Variants in EML6 observed in about 807,000 individuals in gnomAD.
EML6 encodes EMAP like 6, also known as echinoderm microtubule-associated protein-like 6.
EML6 carries 154 observed loss-of-function variants against 240.1 expected under a neutral mutation model. That is an observed-to-expected ratio of 0.64 (90% CI 0.56 to 0.73). EML6 has a LOEUF of 0.73. Among genes scored for constraint, EML6 ranks in the 30% least tolerant of loss-of-function variants. The pLI, the probability that EML6 is intolerant of heterozygous loss-of-function variation, is 0.00. For missense variants in EML6, 2,964 were observed against 2,474.6 expected (o/e 1.20, Z -4.20); for synonymous variants, 1,148 against 899.0 (o/e 1.28, Z -4.95).
At chr2:54,773,947 C>T (rs957217440) in intron 2 of EML6, among the ~76,000 whole-genome samples, 1 of 152,186 alleles carries the variant, frequency 6.6e-6, no homozygotes, top group African/African-American at 2.4e-5. Flanking sequence ...GGCACAGGGC[C>T]TCCTTTTTTC....
In EML6 at chr2:54,781,897, G is replaced by A. The variant is rs7603376; in HGVS notation, c.198-31335G>A. On this transcript the variant is annotated intron_variant, in intron 2 of 41. Coordinates refer to ENST00000356458, the MANE Select transcript of EML6 (RefSeq NM_001039753.4). ...TTAGCTGGGCTGGTCTTGAACTCCT[G>A]GACTCAAGTGATCTGCCCACCTTGG... Among the ~76,000 whole-genome samples the A allele has an allele frequency of 5.8e-3, 887 of 152,192 alleles. 9 individuals carry two copies. Among genetic ancestry groups the A allele is most frequent in the African/African-American group, 0.021 (854 of 41,518 alleles).
At chr2:54,732,593 A>G (rs1201238097) in intron 2 of EML6, among the ~76,000 whole-genome samples, 1 of 152,194 alleles carries the variant, frequency 6.6e-6, no homozygotes, top group African/African-American at 2.4e-5. Context: ...ACAGCCTTTG[A>G]ATTCAGCCAG....
At position 54,847,631 on chromosome 2, in the gene EML6, C is replaced by G. The variant is rs895912167; in HGVS notation, c.1187+8C>G. The stretch of plus-strand genomic sequence containing the variant: ...CATTGTTCTCCGAGTCAGGCACGTA[C>G]TGATGTTGAAAATGGTATTTAGAAA... On this transcript the variant is annotated splice_region_variant and intron_variant, in intron 9 of 41. Transcript: ENST00000356458. 14 of 1,551,648 alleles carry G rather than the reference C, an allele frequency of 9.0e-6. No individual in the cohort carries two copies. Among genetic ancestry groups the G allele is most frequent in the Non-Finnish European group, 1.2e-5 (14 of 1,146,780 alleles).
At chr2:54,942,140 G>C (rs1050273545) in intron 28 of EML6, among the ~76,000 whole-genome samples, 1 of 152,050 alleles carries the variant, frequency 6.6e-6, no homozygotes, top group Non-Finnish European at 1.5e-5. Context: ...ATAATTTTAG[G>C]CATTAAACCT....
chr2:54,859,732 T>A, intron 12 of EML6, 31 bp downstream of exon 12: 1 of 1,506,724 alleles, frequency 6.6e-7, no homozygotes, highest in South Asian at 1.3e-5. Context: ...TTAACATCAT[T>A]TTATTTTTCA....
rs61088502 is a variant in EML6 at position 54,869,452 on chromosome 2, G to A, written c.2238+85G>A. On this transcript the variant is annotated intron_variant, in intron 15 of 41. Coordinates refer to ENST00000356458, the MANE Select transcript of EML6 (RefSeq NM_001039753.4). Reference sequence around the variant, plus strand: ...TTTACATATTAGAAATTCAAGAAATGCTTGGTAGAAATAAACATGAGATGG... The same window carrying A: ...TTTACATATTAGAAATTCAAGAAATACTTGGTAGAAATAAACATGAGATGG... 10,206 of 1,042,546 alleles carry A rather than the reference G, an allele frequency of 9.8e-3. 623 individuals are homozygous for A. The African/African-American group carries it at 0.13, about 13-fold the overall frequency. 64.6% of individuals were successfully genotyped at this position (1,042,546 alleles called of 1,614,324 possible).
At chr2:54,858,182 G>C (rs56399447) in intron 11 of EML6, among the ~76,000 whole-genome samples, 1,988 of 152,298 alleles carry the variant, frequency 0.013, 22 homozygotes, top group Non-Finnish European at 0.021. Context: ...GGAGGCCTCA[G>C]TTCCTGCTGT....
chr2:54,845,364 A>G (rs1185624535), intron 8 of EML6, among the ~76,000 whole-genome samples: 1 of 152,196 alleles, frequency 6.6e-6, no homozygotes, highest in Admixed American at 6.5e-5. Flanking sequence ...TGAAACTCAT[A>G]CCCATCCAGA....
At chr2:54,771,437 T>A (rs1357384278) in intron 2 of EML6, among the ~76,000 whole-genome samples, 1 of 152,240 alleles carries the variant, frequency 6.6e-6, no homozygotes, top group African/African-American at 2.4e-5. Context: ...AGCCAATCTT[T>A]AAATTATGCA....
chr2:54,740,938 A>G (rs1683602733), intron 2 of EML6, among the ~76,000 whole-genome samples: 2 of 152,180 alleles, frequency 1.3e-5, no homozygotes, highest in African/African-American at 4.8e-5. Context: ...AATAGAAGAG[A>G]TATAAATTCT....
At chr2:54,856,136 T>C (rs1194338697) in intron 11 of EML6, among the ~76,000 whole-genome samples, 1 of 152,246 alleles carries the variant, frequency 6.6e-6, no homozygotes, top group African/African-American at 2.4e-5. Flanking sequence ...TACTGTACTA[T>C]GTTTACGTAG....
intron 28 of EML6, among the ~76,000 whole-genome samples, chr2:54,936,171 C>G (rs566359261): frequency 6.6e-6 from 1 of 152,322 alleles, no homozygotes; most frequent in Middle Eastern, 3.4e-3. Flanking sequence ...TTGTTCTTAT[C>G]AAATTATCAT....
At chr2:54,823,991 A>T (rs1668466278) in intron 5 of EML6, among the ~76,000 whole-genome samples, 3 of 151,998 alleles carry the variant, frequency 2.0e-5, no homozygotes, top group Middle Eastern at 3.4e-3. Flanking sequence ...TTCGTTCCCC[A>T]TTTCCTAGGG....
chr2:54,899,281 G>C (rs1573101179), intron 21 of EML6, among the ~76,000 whole-genome samples: 1 of 152,280 alleles, frequency 6.6e-6, no homozygotes, highest in Middle Eastern at 3.4e-3. Context: ...TACTAGGAGG[G>C]TACATATATA....
At chr2:54,793,418 C>T (rs1669574286) in intron 2 of EML6, among the ~76,000 whole-genome samples, 2 of 118,756 alleles carry the variant, frequency 1.7e-5, no homozygotes, top group Admixed American at 1.1e-4. Context: ...CCCAGCATAT[C>T]GTAACTACTT....
chr2:54,834,098 T>C (rs997677906), intron 7 of EML6, among the ~76,000 whole-genome samples: 1 of 152,320 alleles, frequency 6.6e-6, no homozygotes, highest in South Asian at 2.1e-4. Context: ...TTAGTGAATA[T>C]AAAATTCTGG....
At chr2:54,798,263 C>G (rs959417861) in intron 2 of EML6, among the ~76,000 whole-genome samples, 2 of 152,126 alleles carry the variant, frequency 1.3e-5, no homozygotes, top group Admixed American at 6.5e-5. Context: ...ACCTCTGCCT[C>G]CCGGGTTCAA....
chr2:54,936,318 G>T (rs1241403230), intron 28 of EML6, among the ~76,000 whole-genome samples: 1 of 152,162 alleles, frequency 6.6e-6, no homozygotes, highest in Non-Finnish European at 1.5e-5. Context: ...AGCTGACCAG[G>T]TATTAGTCTT....
At position 54,835,838 on chromosome 2, in the gene EML6, A is replaced by G. The variant is rs1294432157; in HGVS notation, c.847+6361A>G. Among the ~76,000 whole-genome samples the G allele has an allele frequency of 2.6e-5, 4 of 152,174 alleles. 1 individual carries two copies. Among genetic ancestry groups the G allele is most frequent in the Admixed American group, 2.6e-4 (4 of 15,284 alleles). ...TATTACAGTGGACAGGAGAGCCACC[A>G]CAACAAAGAATTACCCAGCCCCAAA... On this transcript the variant is annotated intron_variant, in intron 7 of 41. Transcript: ENST00000356458.
Sources: gnomAD v4.1 joint callset for allele counts (sites outside exome capture counted in the v4.1 genomes callset) on GRCh38, gnomAD v4.1.1 for gene constraint, MANE v1.5 for transcripts, NCBI Gene and HGNC (gene_info 2026-07-23, HGNC 2026-07-21) for gene names.